The following ARHGAP26 variants were observed in gnomAD, a reference collection of about 807,000 sequenced individuals.
ARHGAP26 encodes rho GTPase-activating protein 26.
In ARHGAP26, 38 loss-of-function variants were observed where a neutral mutation model predicts 104.8. That is an observed-to-expected ratio of 0.36 (90% CI 0.28 to 0.48). The LOEUF (loss-of-function observed/expected upper bound fraction) is 0.48, where lower values mean the gene tolerates loss of function less well. Ranked by LOEUF, ARHGAP26 falls within the 20% of genes least tolerant of loss-of-function variation. ARHGAP26 has a pLI of 0.99. For missense variants in ARHGAP26, 704 were observed against 947.9 expected, an observed-to-expected ratio of 0.74 and a Z score of 3.38; for synonymous variants, 341 against 340.0, an observed-to-expected ratio of 1.00 and a Z score of -0.03.
At chr5:143,007,013 T>C (rs245848) in intron 11 of ARHGAP26, among the ~76,000 whole-genome samples, 28,207 of 151,784 alleles carry the variant, frequency 0.19, 3,118 homozygotes, top group East Asian at 0.49. Flanking sequence ...GTGGATTGCC[T>C]GAGCTCAGGA....
At chr5:143,035,965 CT>C (rs1782580611) in intron 12 of ARHGAP26, among the ~76,000 whole-genome samples, 1 of 142,106 alleles carries the variant, frequency 7.0e-6, no homozygotes, top group African/African-American at 2.6e-5. Context: ...AAAAGAAGAA[CT>C]TACCCATGTA....
chr5:142,918,418 A>G (rs572484221), intron 10 of ARHGAP26, among the ~76,000 whole-genome samples: 40 of 152,366 alleles, frequency 2.6e-4, no homozygotes, highest in Non-Finnish European at 4.3e-4. Flanking sequence ...AAGTGCTGGG[A>G]TTACAGGTGT....
intron 20 of ARHGAP26, among the ~76,000 whole-genome samples, chr5:143,171,066 T>C (rs1339737286): frequency 1.3e-5 from 2 of 152,000 alleles, no homozygotes; most frequent in Non-Finnish European, 2.9e-5. Context: ...AAAGGAGCTA[T>C]AATAAAGGAC....
intron 18 of ARHGAP26, 135 bp from the exon 19 acceptor site, chr5:143,133,832 C>A: frequency 1.3e-6 from 1 of 794,672 alleles, no homozygotes; most frequent in Non-Finnish European, 1.9e-6. Context: ...AAGTCTTGAA[C>A]AACTGCCAGT....
intron 1 of ARHGAP26, among the ~76,000 whole-genome samples, chr5:142,835,373 G>A (rs1403573940): frequency 6.6e-6 from 1 of 152,154 alleles, no homozygotes; most frequent in Non-Finnish European, 1.5e-5. Flanking sequence ...GTATTCAGGT[G>A]GCCCCATTCA....
chr5:142,954,079 G>A (rs1220636593), intron 11 of ARHGAP26, among the ~76,000 whole-genome samples: 2 of 152,212 alleles, frequency 1.3e-5, no homozygotes, highest in Non-Finnish European at 2.9e-5. Context: ...AGCGAGAGCT[G>A]TACAAATATT....
chr5:142,873,805 T>G lies in ARHGAP26; in HGVS notation c.250+310T>G, dbSNP rs141798024. Among the ~76,000 whole-genome samples, 224 of 152,162 alleles carry G rather than the reference T, an allele frequency of 1.5e-3. 1 individual carries two copies. Among genetic ancestry groups the G allele is most frequent in the Admixed American group, 4.4e-3 (67 of 15,292 alleles). ...CATTCTTCCCCTTCAACCATAGTAC[T>G]AAGAGCTTAGAGCATATGTAGAACA... On this transcript the variant is annotated intron_variant, in intron 2 of 22. Coordinates refer to ENST00000645722, the MANE Select transcript of ARHGAP26 (RefSeq NM_001135608.3).
intron 2 of ARHGAP26, 66 bp from the exon 3 acceptor site, chr5:142,875,044 G>C (rs1240729544): frequency 2.4e-5 from 32 of 1,355,014 alleles, no homozygotes; most frequent in Non-Finnish European, 3.4e-5. Flanking sequence ...ATAATAGCCA[G>C]AGCTGGAAAG....
chr5:143,160,277 T>C (rs1217112224), intron 20 of ARHGAP26, among the ~76,000 whole-genome samples: 2 of 152,036 alleles, frequency 1.3e-5, no homozygotes, highest in East Asian at 3.9e-4. Context: ...GCCAGGATGG[T>C]CTCAATCTCC....
intron 18 of ARHGAP26, among the ~76,000 whole-genome samples, chr5:143,130,607 C>G (rs1022934133): frequency 2.0e-5 from 3 of 152,202 alleles, no homozygotes; most frequent in Admixed American, 2.0e-4. Flanking sequence ...ATTTGATTCT[C>G]TTGAAATCAT....
At chr5:142,963,183 T>TATATATATATATATATATAC (rs1770617984) in intron 11 of ARHGAP26, among the ~76,000 whole-genome samples, 1 of 107,428 alleles carries the variant, frequency 9.3e-6, no homozygotes, top group African/African-American at 5.1e-5. Flanking sequence ...TATATATATA[T>TATATATATATATATATATAC]ATATATATAT....
At chr5:142,771,291 G>A in intron 1 of ARHGAP26, 1 of 1,237,806 alleles carries the variant, frequency 8.1e-7, no homozygotes, top group Non-Finnish European at 1.0e-6. Flanking sequence ...AGCTCCCTTA[G>A]GGGCAGAGTT....
chr5:142,857,951 A>G (rs144276326), intron 1 of ARHGAP26, among the ~76,000 whole-genome samples: 1 of 152,278 alleles, frequency 6.6e-6, no homozygotes, highest in East Asian at 1.9e-4. Flanking sequence ...TTCTGATCCC[A>G]TAAGTCTGGG....
At chr5:142,928,495 A>C (rs565748766) in intron 10 of ARHGAP26, among the ~76,000 whole-genome samples, 2 of 152,168 alleles carry the variant, frequency 1.3e-5, no homozygotes. Context: ...GCAGAAGTGC[A>C]TGGCTGATTT....
intron 11 of ARHGAP26, among the ~76,000 whole-genome samples, chr5:142,964,853 GAGAT>G (rs1464749617): frequency 1.3e-5 from 2 of 152,184 alleles, no homozygotes; most frequent in East Asian, 1.9e-4. Context: ...ACAAGACTAA[GAGAT>G]AGAAGAAAAG....
At chr5:142,994,302 C>T (rs1309528129) in intron 11 of ARHGAP26, among the ~76,000 whole-genome samples, 1 of 152,122 alleles carries the variant, frequency 6.6e-6, no homozygotes, top group African/African-American at 2.4e-5. Flanking sequence ...TCTTAGAAAT[C>T]ATGGGACAGA....
chr5:142,811,254 G>C (rs908159370), intron 1 of ARHGAP26, among the ~76,000 whole-genome samples: 3 of 152,132 alleles, frequency 2.0e-5, no homozygotes, highest in African/African-American at 4.8e-5. Context: ...CTGGCCCCTT[G>C]AATAACTTCA....
At chr5:142,899,987 T>G (rs535817303) in intron 6 of ARHGAP26, among the ~76,000 whole-genome samples, 36 of 152,168 alleles carry the variant, frequency 2.4e-4, no homozygotes, top group Non-Finnish European at 4.1e-4. Context: ...AAATCATAGT[T>G]AATAGGAGGA....
At chr5:142,809,920 T>C (rs1763736086) in intron 1 of ARHGAP26, among the ~76,000 whole-genome samples, 2 of 152,264 alleles carry the variant, frequency 1.3e-5, no homozygotes, top group African/African-American at 4.8e-5. Flanking sequence ...GATCTTACAT[T>C]GGACTGGTGC....
Sources: gnomAD v4.1 joint callset for allele counts (sites outside exome capture counted in the v4.1 genomes callset) on GRCh38, gnomAD v4.1.1 for gene constraint, MANE v1.5 for transcripts, NCBI Gene and HGNC (gene_info 2026-07-23, HGNC 2026-07-21) for gene names.